CPNE8: variants seen among roughly 807,000 people sequenced by gnomAD.
CPNE8 encodes the protein copine 8.
A neutral mutation model predicts 81.5 loss-of-function variants in CPNE8; 45 were observed. The observed-to-expected ratio is 0.55, with a 90% CI of 0.44 to 0.71. CPNE8 has a LOEUF of 0.71. Ranked by LOEUF, CPNE8 falls within the 30% of genes least tolerant of loss-of-function variation. The pLI, the probability that CPNE8 is intolerant of heterozygous loss-of-function variation, is 0.00. For synonymous variants in CPNE8, 252 were observed against 226.3 expected, an observed-to-expected ratio of 1.11 and a Z score of -1.02; for missense variants, 594 against 672.1, an observed-to-expected ratio of 0.88 and a Z score of 1.28.
In CPNE8 at chr12:38,864,118, A is replaced by T. The variant is rs115257278; in HGVS notation, c.186+8886T>A. Among the ~76,000 whole-genome samples, 556 of 152,124 alleles carry T rather than the reference A, an allele frequency of 3.7e-3. 2 individuals carry two copies. Among genetic ancestry groups the T allele is most frequent in the African/African-American group, 0.013 (533 of 41,512 alleles). ...TCACCGCTTTTATTCAACACTATACAGGAGGCCCCTGTCAGTACAGTAAGG... is the reference window on the plus strand; with the variant it reads ...TCACCGCTTTTATTCAACACTATACTGGAGGCCCCTGTCAGTACAGTAAGG... On this transcript the variant is annotated intron_variant, in intron 3 of 19. Transcript: ENST00000331366.
intron 19 of CPNE8, among the ~76,000 whole-genome samples, 181 bp from the exon 20 acceptor site, chr12:38,654,251 C>T (rs1938768831): frequency 6.6e-6 from 1 of 152,032 alleles, no homozygotes; most frequent in South Asian, 2.1e-4. Context: ...CATGGTGGCT[C>T]ATGCCTGTAA....
intron 6 of CPNE8, among the ~76,000 whole-genome samples, chr12:38,798,733 A>C (rs931264738): frequency 3.9e-5 from 6 of 152,158 alleles, no homozygotes; most frequent in Admixed American, 2.0e-4. Context: ...TAAATGCTCC[A>C]ATTGAAAGAC....
chr12:38,673,220 T>G (rs1184202282), intron 18 of CPNE8, among the ~76,000 whole-genome samples: 3 of 152,162 alleles, frequency 2.0e-5, no homozygotes, highest in Admixed American at 6.6e-5. Context: ...TGATTCTAAG[T>G]TTTCTGAGGC....
chr12:38,802,632 G>A (rs1196024260), intron 6 of CPNE8, among the ~76,000 whole-genome samples: 23 of 150,790 alleles, frequency 1.5e-4, no homozygotes, highest in East Asian at 3.9e-4. Flanking sequence ...TTCAAAAGCT[G>A]GCAGAAGGCA....
intron 4 of CPNE8, among the ~76,000 whole-genome samples, chr12:38,846,469 G>C (rs1592134750): frequency 6.6e-6 from 1 of 152,248 alleles, no homozygotes; most frequent in East Asian, 1.9e-4. Flanking sequence ...AGTGGCAATT[G>C]GTGAGTGATG....
chr12:38,718,429 C>A (rs1489646143), intron 13 of CPNE8, among the ~76,000 whole-genome samples: 2 of 152,070 alleles, frequency 1.3e-5, no homozygotes, highest in African/African-American at 4.8e-5. Context: ...AAAGACACAG[C>A]TGGTTTGACA....
At chr12:38,677,005 A>C (rs1939304895) in intron 17 of CPNE8, among the ~76,000 whole-genome samples, 2 of 152,130 alleles carry the variant, frequency 1.3e-5, no homozygotes, top group African/African-American at 4.8e-5. Context: ...TAAAAAAAAA[A>C]CATACAATTA....
intron 3 of CPNE8, among the ~76,000 whole-genome samples, chr12:38,871,049 A>G (rs1943985143): frequency 6.6e-6 from 1 of 152,152 alleles, no homozygotes; most frequent in Non-Finnish European, 1.5e-5. Flanking sequence ...TAAAAATTGT[A>G]AATTAAATAA....
chr12:38,905,682 G>C, upstream of CPNE8: 1 of 1,465,316 alleles, frequency 6.8e-7, no homozygotes. Flanking sequence ...GGAGGGAAGG[G>C]AGGAGGCGGA....
chr12:38,692,187 G>T (rs1399794762), intron 15 of CPNE8, among the ~76,000 whole-genome samples: 1 of 152,026 alleles, frequency 6.6e-6, no homozygotes, highest in Non-Finnish European at 1.5e-5. Flanking sequence ...TACCTGGGAA[G>T]CTGAGGCACG....
intron 6 of CPNE8, among the ~76,000 whole-genome samples, chr12:38,781,052 G>T (rs937235134): frequency 1.3e-5 from 2 of 151,964 alleles, no homozygotes; most frequent in African/African-American, 4.8e-5. Flanking sequence ...GCCTTCTCAT[G>T]GTCTCTTACT....
At chr12:38,879,725 A>T (rs1199208537) in intron 1 of CPNE8, among the ~76,000 whole-genome samples, 1 of 152,162 alleles carries the variant, frequency 6.6e-6, no homozygotes. Context: ...TTTGAAAAAG[A>T]CGACCTGTGT....
At chr12:38,742,904 A>AT (rs569077623) in intron 10 of CPNE8, among the ~76,000 whole-genome samples, 184 of 151,884 alleles carry the variant, frequency 1.2e-3, no homozygotes, top group African/African-American at 4.1e-3. Flanking sequence ...ATCCGTAAAC[A>AT]TTTTTTCATG....
At chr12:38,830,961 C>A (rs1185830620) in intron 5 of CPNE8, among the ~76,000 whole-genome samples, 1 of 152,032 alleles carries the variant, frequency 6.6e-6, no homozygotes, top group Non-Finnish European at 1.5e-5. Flanking sequence ...GCTTACCAAG[C>A]CACAAAAGTA....
At chr12:38,722,442 C>T (rs964174257) in intron 13 of CPNE8, among the ~76,000 whole-genome samples, 1 of 152,108 alleles carries the variant, frequency 6.6e-6, no homozygotes, top group Non-Finnish European at 1.5e-5. Flanking sequence ...CAACAAGAGG[C>T]AAGCTCTCTG....
intron 3 of CPNE8, among the ~76,000 whole-genome samples, chr12:38,856,213 A>C (rs1943731587): frequency 6.6e-6 from 1 of 152,132 alleles, no homozygotes; most frequent in African/African-American, 2.4e-5. Flanking sequence ...AACAACCTCA[A>C]AAGCAGTAAT....
chr12:38,752,511 CAG>C (rs1210947078), intron 10 of CPNE8, among the ~76,000 whole-genome samples: 1 of 152,144 alleles, frequency 6.6e-6, no homozygotes, highest in African/African-American at 2.4e-5. Flanking sequence ...AAAGGCCTCC[CAG>C]GACCCTATTC....
At chr12:38,749,898 A>G (rs1017280249) in intron 10 of CPNE8, among the ~76,000 whole-genome samples, 8 of 152,202 alleles carry the variant, frequency 5.3e-5, no homozygotes, top group Non-Finnish European at 1.0e-4. Flanking sequence ...TGCATAAGGA[A>G]GGAGGAGCCA....
At chr12:38,752,814 TA>T (rs1055645888) in intron 10 of CPNE8, among the ~76,000 whole-genome samples, 2 of 152,212 alleles carry the variant, frequency 1.3e-5, no homozygotes, top group Admixed American at 6.6e-5. Flanking sequence ...GAGATGAATT[TA>T]AATAGTAAGG....
Sources: gnomAD v4.1 joint callset for allele counts (sites outside exome capture counted in the v4.1 genomes callset) on GRCh38, gnomAD v4.1.1 for gene constraint, MANE v1.5 for transcripts, NCBI Gene and HGNC (gene_info 2026-07-23, HGNC 2026-07-21) for gene names.